The following TF variants were observed in gnomAD, a reference collection of about 807,000 sequenced individuals.
The protein encoded by TF is transferrin, also known as serotransferrin.
Under a neutral mutation model 82.4 loss-of-function variants are expected in TF, and 55 were observed. That is an observed-to-expected ratio of 0.67 (90% CI 0.54 to 0.84). The LOEUF is 0.84. Ranked by LOEUF, TF falls within the 40% of genes least tolerant of loss-of-function variation. The pLI is 0.00. For synonymous variants in TF, 332 were observed against 332.6 expected (o/e 1.00, Z 0.02); for missense variants, 737 against 868.4 (o/e 0.85, Z 1.90).
At chr3:133,727,147 G>A in the TF span, among the ~76,000 whole-genome samples, 29 of 152,336 alleles carry the variant, frequency 1.9e-4, no homozygotes, top group African/African-American at 6.3e-4. Flanking sequence ...TTGGGGTGGA[G>A]AGTTCTGTAG....
the TF span, among the ~76,000 whole-genome samples, chr3:133,728,337 G>A: frequency 6.6e-6 from 1 of 152,288 alleles, no homozygotes; most frequent in South Asian, 2.1e-4. Context: ...ATATTTCTTG[G>A]AGGCTTTGTT....
chr3:133,772,001 G>A (rs929817675), intron 14 of TF, among the ~76,000 whole-genome samples: 31 of 152,102 alleles, frequency 2.0e-4, no homozygotes, highest in African/African-American at 2.7e-4. Flanking sequence ...AGAATGAACC[G>A]GCTCAGCACC....
At chr3:133,764,781 T>A in intron 10 of TF, 94 bp from the exon 11 acceptor site, 1 of 1,266,168 alleles carries the variant, frequency 7.9e-7, no homozygotes, top group Non-Finnish European at 1.1e-6. Flanking sequence ...TTCTCTGACT[T>A]TCTTTATTCT....
At chr3:133,709,050 C>T in the TF span, among the ~76,000 whole-genome samples, 1 of 152,178 alleles carries the variant, frequency 6.6e-6, no homozygotes, top group South Asian at 2.1e-4. Flanking sequence ...TTTCAAGACA[C>T]ATCCTGTAGC....
chr3:133,756,777 C>T (rs774611256), intron 6 of TF, 54 bp from the exon 7 acceptor site: 78 of 1,603,760 alleles, frequency 4.9e-5, no homozygotes, highest in Non-Finnish European at 6.5e-5. Context: ...CAAGGATGGG[C>T]ACCACAGCCC....
intron 3 of TF, 106 bp downstream of exon 3, chr3:133,753,809 T>C: frequency 1.1e-6 from 1 of 921,926 alleles, no homozygotes; most frequent in Non-Finnish European, 1.8e-6. Flanking sequence ...TGAACATTCA[T>C]CTTTGGAGAG....
the TF span, among the ~76,000 whole-genome samples, chr3:133,695,144 G>T: frequency 6.6e-6 from 1 of 152,120 alleles, no homozygotes; most frequent in Non-Finnish European, 1.5e-5. Flanking sequence ...GACCCTCAGA[G>T]GGGCTGCATG....
the TF span, among the ~76,000 whole-genome samples, chr3:133,711,134 C>A: frequency 6.6e-6 from 1 of 152,208 alleles, no homozygotes; most frequent in Non-Finnish European, 1.5e-5. Context: ...AGTTAAGAAA[C>A]GTTTGCGTTG....
At chr3:133,666,170 A>G in the TF span, among the ~76,000 whole-genome samples, 2 of 152,036 alleles carry the variant, frequency 1.3e-5, no homozygotes, top group African/African-American at 4.8e-5. Context: ...TGAATGTACA[A>G]TTTGCTTTGG....
In TF at chr3:133,783,085, G is replaced by A. The variant is rs1291655277; in HGVS notation, c.*4465G>A. On this transcript the variant is annotated 3_prime_UTR_variant, in exon 17 of 17. Transcript: ENST00000402696. Reference sequence around the variant, plus strand: ...CCTAGAGATCTAATGTACAACATAAGGACCACAGTATAGGTAATAAATTCT... The same window carrying A: ...CCTAGAGATCTAATGTACAACATAAAGACCACAGTATAGGTAATAAATTCT... 1.3e-5 allele frequency: 2 copies of A among 152,186 alleles called. No individual in the cohort carries two copies. Among genetic ancestry groups the A allele is most frequent in the Non-Finnish European group, 2.9e-5 (2 of 68,034 alleles). The allele number at this position is 152,186 out of a possible 1,614,324, so 9.4% of individuals were successfully genotyped here.
At chr3:133,778,527 A>G in intron 16 of TF, 59 bp from the exon 17 acceptor site, 1 of 1,579,784 alleles carries the variant, frequency 6.3e-7, no homozygotes, top group Non-Finnish European at 8.7e-7. Flanking sequence ...ATCACTCGAC[A>G]GTTCAGAAAT....
intron 14 of TF, 74 bp downstream of exon 14, chr3:133,770,646 G>T: frequency 6.8e-7 from 1 of 1,474,588 alleles, no homozygotes; most frequent in Non-Finnish European, 9.5e-7. Context: ...ATTCAGGGAT[G>T]CCTTTGTGGA....
chr3:133,724,038 C>T, the TF span, among the ~76,000 whole-genome samples: 4 of 152,274 alleles, frequency 2.6e-5, no homozygotes, highest in South Asian at 8.3e-4. Context: ...GCCACATTTT[C>T]TTAATCCAGT....
At chr3:133,685,839 GA>G in the TF span, among the ~76,000 whole-genome samples, 2 of 152,018 alleles carry the variant, frequency 1.3e-5, no homozygotes, top group Admixed American at 1.3e-4. Context: ...CACAGAATTG[GA>G]AAAAACTACT....
chr3:133,668,043 C>A, the TF span, among the ~76,000 whole-genome samples: 1 of 152,186 alleles, frequency 6.6e-6, no homozygotes, highest in Non-Finnish European at 1.5e-5. Flanking sequence ...AAGTAATAAA[C>A]CATCTAAATC....
intron 7 of TF, among the ~76,000 whole-genome samples, 192 bp downstream of exon 7, chr3:133,757,201 G>A (rs927767264): frequency 1.1e-4 from 17 of 152,200 alleles, no homozygotes; most frequent in African/African-American, 2.2e-4. Flanking sequence ...TGGTGCTACC[G>A]TCTGCCGCCC....
the TF span, among the ~76,000 whole-genome samples, chr3:133,670,634 G>A: frequency 3.3e-5 from 5 of 152,202 alleles, no homozygotes; most frequent in Non-Finnish European, 7.3e-5. Context: ...CCATAGGCCT[G>A]CATAGGAGAT....
chr3:133,676,130 A>T, the TF span, among the ~76,000 whole-genome samples: 1 of 152,122 alleles, frequency 6.6e-6, no homozygotes, highest in African/African-American at 2.4e-5. Flanking sequence ...CATACAACAG[A>T]GAGGTAGAGA....
At chr3:133,721,685 G>T in the TF span, among the ~76,000 whole-genome samples, 4 of 152,176 alleles carry the variant, frequency 2.6e-5, no homozygotes, top group South Asian at 2.1e-4. Context: ...GTTGAGTGTT[G>T]AAGTCCTCTA....
Sources: allele counts gnomAD v4.1 joint callset (sites outside exome capture counted in the v4.1 genomes callset), GRCh38; gene constraint gnomAD v4.1.1; transcripts MANE v1.5; gene names NCBI Gene and HGNC (gene_info 2026-07-23, HGNC 2026-07-21).